Variants in TGM7 observed in about 807,000 individuals in gnomAD.
TGM7 encodes protein-glutamine gamma-glutamyltransferase Z.
TGM7 carries 74 observed loss-of-function variants against 79.5 expected under a neutral mutation model. The ratio of observed to expected loss-of-function variants is 0.93; its 90% CI spans 0.77 to 1.13. TGM7 has a LOEUF of 1.13. Among genes scored for constraint, TGM7 ranks in the 50% most tolerant of loss-of-function variants. The probability of loss-of-function intolerance (pLI) is 0.00; values close to 1 mark genes in which losing one functional copy is unlikely to be tolerated. For missense variants in TGM7, 912 were observed against 905.9 expected, an observed-to-expected ratio of 1.01 and a Z score of -0.09; for synonymous variants, 354 against 362.5, an observed-to-expected ratio of 0.98 and a Z score of 0.27.
rs1474343896 is a variant in TGM7, at chr15:43,281,891, C to T, written c.1304G>A (p.Gly435Glu). ...GGTGATGCTCTGGCGCTGGTCTGAC[C>T]CCACCATCTTAGTGCTGATCTCCTT... ...IGKEISTKMV[G>E]SDQRQSITSS... The change falls in exon 9 of 13, where the codon GGG becomes GAG. Residue 435 changes from glycine to glutamate, a missense_variant. Gly to Glu is a moderately conservative substitution (Grantham distance 98, BLOSUM62 -2). Transcript: ENST00000452443. The T allele has an allele frequency of 5.0e-6, 8 of 1,614,186 alleles. No individual in the cohort carries two copies. The Admixed American group carries it at 8.3e-5, about 17-fold the overall frequency.
intron 7 of TGM7, among the ~76,000 whole-genome samples, chr15:43,284,141 G>A (rs906123626): frequency 6.6e-6 from 1 of 152,196 alleles, no homozygotes; most frequent in Non-Finnish European, 1.5e-5. Flanking sequence ...GGAGATTGCA[G>A]TGAGCTGAGT....
At chr15:43,290,988 A>G (rs1431587652) in intron 4 of TGM7, among the ~76,000 whole-genome samples, 2 of 152,204 alleles carry the variant, frequency 1.3e-5, no homozygotes, top group African/African-American at 4.8e-5. Context: ...TTTTCTAGAT[A>G]TACAATCATG....
intron 1 of TGM7, among the ~76,000 whole-genome samples, chr15:43,297,635 A>AAGAAAGAAAGAAAGAAAAAG (rs5812242): frequency 1.3e-5 from 1 of 77,544 alleles, no homozygotes; most frequent in Non-Finnish European, 3.5e-5. Flanking sequence ...GAAAGAAAGA[A>AAGAAAGAAAGAAAGAAAAAG]AAAGAAAGAA....
In TGM7 at chr15:43,302,240, C is replaced by T. The variant is rs1234950192; in HGVS notation, c.10+1G>A. 1 of 1,614,178 alleles carries T rather than the reference C, an allele frequency of 6.2e-7. No homozygotes were observed. Among genetic ancestry groups the T allele is most frequent in the South Asian group, 1.1e-5 (1 of 91,080 alleles). ...AAGGTAAGTCGATTCCCAGTACTCA[C>T]CCTGATCCATCTCCCTCCTTCTCCT... is the stretch of plus-strand genomic sequence containing the variant. On this transcript the variant is annotated splice_donor_variant, in intron 1 of 12. Transcript: ENST00000452443. LOFTEE classifies it high-confidence loss of function.
chr15:43,284,604 C>T (rs1013944910), intron 7 of TGM7, among the ~76,000 whole-genome samples: 1 of 152,214 alleles, frequency 6.6e-6, no homozygotes, highest in Non-Finnish European at 1.5e-5. Flanking sequence ...AATGTTATCC[C>T]ATTGTTTTCT....
At chr15:43,278,966 C>A (rs528229483) in intron 11 of TGM7, 151 bp downstream of exon 11, 1 of 739,966 alleles carries the variant, frequency 1.4e-6, no homozygotes, top group Non-Finnish European at 2.0e-6. Context: ...TCCAACCCCA[C>A]GCTGGTACAG....
chr15:43,283,687 T>C (rs756403339), intron 7 of TGM7, among the ~76,000 whole-genome samples: 2 of 152,222 alleles, frequency 1.3e-5, no homozygotes, highest in Non-Finnish European at 2.9e-5. Flanking sequence ...GTGCCTAAGT[T>C]ACATATCCTC....
At chr15:43,296,424 CAAAAAAAAAA>C (rs35879868) in intron 1 of TGM7, among the ~76,000 whole-genome samples, 1 of 78,216 alleles carries the variant, frequency 1.3e-5, no homozygotes, top group Non-Finnish European at 2.6e-5. Flanking sequence ...GACTCTGTCT[CAAAAAAAAAA>C]AAAAAAAAAA....
intron 11 of TGM7, among the ~76,000 whole-genome samples, chr15:43,278,881 G>A (rs191533720): frequency 9.5e-4 from 144 of 152,252 alleles, no homozygotes; most frequent in Admixed American, 2.9e-3. Context: ...ATGCCTTCAC[G>A]GCCATCTAAT....
chr15:43,291,940 G>T (rs2042965151), intron 4 of TGM7, 39 bp downstream of exon 4: 4 of 1,503,324 alleles, frequency 2.7e-6, no homozygotes, highest in Non-Finnish European at 3.7e-6. Context: ...ACCAGCCTTA[G>T]GGAGCCCACC....
chr15:43,302,115 C>T lies in TGM7; in HGVS notation c.10+126G>A, dbSNP rs923768725. 10 of 1,116,898 alleles carry T rather than the reference C, an allele frequency of 9.0e-6. No homozygotes were observed. In the Admixed American group the frequency reaches 1.7e-4, roughly 19 times the overall value. 69.2% of individuals were successfully genotyped at this position (1,116,898 alleles called of 1,614,324 possible). A position where few individuals can be genotyped will look rare whatever the true frequency, so the allele number is the denominator to read the frequency against. ...GAAGTAAGAAGAAGGAGCCGTATTG[C>T]ACAATGAACTACCAATCATCAATCC... On this transcript the variant is annotated intron_variant, in intron 1 of 12. Coordinates refer to ENST00000452443, the MANE Select transcript of TGM7 (RefSeq NM_052955.3).
chr15:43,300,192 A>C (rs1408245434), intron 1 of TGM7, among the ~76,000 whole-genome samples: 1 of 152,232 alleles, frequency 6.6e-6, no homozygotes, highest in Admixed American at 6.5e-5. Context: ...GGATGTTTGC[A>C]CTTGCAACAC....
chr15:43,287,180 C>G, intron 6 of TGM7, 100 bp downstream of exon 6: 1 of 1,410,260 alleles, frequency 7.1e-7, no homozygotes, highest in Non-Finnish European at 9.6e-7. Context: ...CCACCCCCAG[C>G]TGTGGGGCCA....
rs766107789 is a variant in TGM7 at position 43,279,717 on chromosome 15, A to G, written c.1586T>C (p.Val529Ala). ...THPRGPIGLV[V>A]RFCAQALLHG... The stretch of plus-strand genomic sequence containing the variant: ...CAGCAGGGCCTGTGCACAGAAGCGC[A>G]CCACCAGTCCGATGGGCCCCCGAGG... The change falls in exon 10 of 13, where the codon GTG becomes GCG. Residue 529 changes from valine (V) to alanine (A), a missense_variant. Transcript: ENST00000452443. 1.2e-6 allele frequency: 2 copies of G among 1,613,924 alleles called. No individual in the cohort carries two copies. Among genetic ancestry groups the G allele is most frequent in the South Asian group, 2.2e-5 (2 of 91,094 alleles).
Position 43,276,420 on chromosome 15 carries a change from CA to C in TGM7, c.*34del. On this transcript the variant is annotated 3_prime_UTR_variant, in exon 13 of 13. Transcript: ENST00000452443. ...AGGAGTAGAAAGGAGCCAGGTGGGG[CA>C]GGGGTGCCAGGGAGGGCAGCTGGAG... is the stretch of plus-strand genomic sequence containing the variant. The C allele has an allele frequency of 6.3e-7, 1 of 1,593,504 alleles. No homozygotes were observed. Among genetic ancestry groups the C allele is most frequent in the South Asian group, 1.1e-5 (1 of 87,260 alleles).
intron 4 of TGM7, among the ~76,000 whole-genome samples, chr15:43,290,902 CA>C (rs1211834152): frequency 6.6e-6 from 1 of 152,142 alleles, no homozygotes; most frequent in Non-Finnish European, 1.5e-5. Flanking sequence ...GTGATTTTTG[CA>C]CATTGATTTT....
Position 43,277,015 on chromosome 15 carries a change from C to G in TGM7, c.1840-20G>C, listed in dbSNP as rs1469260063. On this transcript the variant is annotated intron_variant, in intron 11 of 12. Coordinates refer to ENST00000452443, the MANE Select transcript of TGM7 (RefSeq NM_052955.3). ...AGACACCTGTGTGGAGAGAAGTCAGCAATCCCATGGGCAACTGGCCTCGCT... is the reference window on the plus strand; with the variant it reads ...AGACACCTGTGTGGAGAGAAGTCAGGAATCCCATGGGCAACTGGCCTCGCT... The G allele has an allele frequency of 1.9e-6, 3 of 1,612,694 alleles. No homozygotes were observed. Among genetic ancestry groups the G allele is most frequent in the Non-Finnish European group, 2.5e-6 (3 of 1,179,486 alleles).
intron 4 of TGM7, among the ~76,000 whole-genome samples, chr15:43,288,505 T>C (rs1453823580): frequency 6.6e-6 from 1 of 152,210 alleles, no homozygotes; most frequent in Non-Finnish European, 1.5e-5. Context: ...TTCTTTTTTT[T>C]TTCCGTTACA....
chr15:43,301,679 C>T (rs995793993), intron 1 of TGM7, among the ~76,000 whole-genome samples: 7 of 151,648 alleles, frequency 4.6e-5, no homozygotes, highest in Non-Finnish European at 1.0e-4. Context: ...ATGTTTAGTG[C>T]CCTCCCTGGC....
Sources: allele counts gnomAD v4.1 joint callset (sites outside exome capture counted in the v4.1 genomes callset), GRCh38; gene constraint gnomAD v4.1.1; transcripts MANE v1.5; gene names NCBI Gene and HGNC (gene_info 2026-07-23, HGNC 2026-07-21).